ATRN: variants seen among roughly 807,000 people sequenced by gnomAD.
ATRN encodes the protein attractin-2.
Under a neutral mutation model 178.7 loss-of-function variants are expected in ATRN, and 54 were observed. The ratio of observed to expected loss-of-function variants is 0.30; its 90% confidence interval spans 0.24 to 0.38. ATRN has a LOEUF of 0.38. ATRN is among the 10% of genes least tolerant of loss of function. The pLI, the probability that ATRN is intolerant of heterozygous loss-of-function variation, is 1.00. For synonymous variants in ATRN, 636 were observed against 663.0 expected, an observed-to-expected ratio of 0.96 and a Z score of 0.63; for missense variants, 1,443 against 1,815.1, an observed-to-expected ratio of 0.79 and a Z score of 3.73.
intron 12 of ATRN, among the ~76,000 whole-genome samples, chr20:3,573,940 G>A (rs994683040): frequency 6.6e-6 from 1 of 151,974 alleles, no homozygotes; most frequent in Non-Finnish European, 1.5e-5. Context: ...GTTTTACCAT[G>A]TTGGCCAGGC....
intron 1 of ATRN, among the ~76,000 whole-genome samples, chr20:3,475,289 G>A (rs552270722): frequency 6.6e-6 from 1 of 152,134 alleles, no homozygotes; most frequent in South Asian, 2.1e-4. Flanking sequence ...GTAGGCTAAC[G>A]AGGAGTGGAT....
chr20:3,471,197 C>T lies in ATRN; in HGVS notation c.90C>T (p.His30=). 3 of 1,501,024 alleles carry T rather than the reference C, an allele frequency of 2.0e-6. No individual in the cohort carries two copies. The highest frequency in any genetic ancestry group is 2.7e-5 in the East Asian group (1 of 36,502). 93.0% of individuals were successfully genotyped at this position (1,501,024 alleles called of 1,614,324 possible). ...AALAGRSGGP[H]WDWDVTRAGR... is the part of the protein sequence containing the mutation. Reference sequence around the variant, plus strand: ...TCGCGGGCAGGAGCGGCGGGCCGCACTGGGACTGGGACGTGACCAGGGCTG... The same window carrying T: ...TCGCGGGCAGGAGCGGCGGGCCGCATTGGGACTGGGACGTGACCAGGGCTG... The change falls in exon 1 of 29, where the codon CAC becomes CAT. Residue 30 remains histidine (H), a synonymous_variant. Transcript: ENST00000262919.
intron 23 of ATRN, among the ~76,000 whole-genome samples, chr20:3,601,447 T>C (rs1248604257): frequency 1.3e-5 from 2 of 152,056 alleles, no homozygotes; most frequent in Non-Finnish European, 2.9e-5. Context: ...TTAAATAAAA[T>C]GAGATTTTAG....
intron 14 of ATRN, among the ~76,000 whole-genome samples, chr20:3,577,722 A>G (rs2086231251): frequency 6.6e-6 from 1 of 152,138 alleles, no homozygotes; most frequent in Non-Finnish European, 1.5e-5. Context: ...AGGTACAGGA[A>G]AAGACCTGGG....
chr20:3,484,635 A>G (rs2084665989), intron 1 of ATRN, among the ~76,000 whole-genome samples: 2 of 152,112 alleles, frequency 1.3e-5, no homozygotes, highest in African/African-American at 4.8e-5. Flanking sequence ...CCTAATTTCA[A>G]CAAAAATCCC....
chr20:3,573,055 C>A, intron 12 of ATRN, 104 bp downstream of exon 12: 1 of 1,023,788 alleles, frequency 9.8e-7, no homozygotes, highest in Non-Finnish European at 1.4e-6. Flanking sequence ...TTTACCTTAT[C>A]CAAAATTATT....
intron 1 of ATRN, among the ~76,000 whole-genome samples, chr20:3,515,906 A>T (rs183521258): frequency 6.6e-6 from 1 of 152,320 alleles, no homozygotes; most frequent in East Asian, 1.9e-4. Flanking sequence ...TAACTAGAGG[A>T]GAGGCATAGT....
At chr20:3,575,741 A>T in intron 12 of ATRN, 86 bp from the exon 13 acceptor site, 1 of 1,447,324 alleles carries the variant, frequency 6.9e-7, no homozygotes, top group Non-Finnish European at 9.3e-7. Context: ...CTTCTTAACC[A>T]TTGTTACGAT....
chr20:3,563,465 G>A, intron 10 of ATRN, 102 bp downstream of exon 10: 2 of 1,253,204 alleles, frequency 1.6e-6, no homozygotes, highest in Non-Finnish European at 1.1e-6. Context: ...AAATGATCAG[G>A]CCATTTGAAA....
chr20:3,490,582 T>TC, intron 1 of ATRN: 1 of 1,062,012 alleles, frequency 9.4e-7, no homozygotes, highest in Non-Finnish European at 1.5e-6. Flanking sequence ...GTACTTGAGG[T>TC]AACAGTCACG....
At position 3,530,858 on chromosome 20, in the gene ATRN, A is replaced by T. The variant is rs181720564; in HGVS notation, c.411-4395A>T. ...GGTAAAGTAGAAAGAAATAACTATG[A>T]GACGAGTCCTTTGAAACCTGCCTCC... On this transcript the variant is annotated intron_variant, in intron 1 of 28. Transcript: ENST00000262919. 9.8e-5 allele frequency among the ~76,000 whole-genome samples: 15 copies of T among 152,300 alleles called. No homozygotes were observed. The East Asian group carries it at 2.9e-3, about 29-fold the overall frequency.
At chr20:3,561,007 G>C (rs1403824352) in intron 8 of ATRN, 102 bp downstream of exon 8, 1 of 1,405,166 alleles carries the variant, frequency 7.1e-7, no homozygotes, top group African/African-American at 1.4e-5. Context: ...ATCTTGATTC[G>C]GTACTTTATC....
rs1026841239 is a variant in ATRN at position 3,578,836 on chromosome 20, C to T, written c.2544+64C>T. On this transcript the variant is annotated intron_variant, in intron 15 of 28. Transcript: ENST00000262919. ...CACCTTTCTACCAAGGGCATGACTGCAGCTTGCATGTGGAAGGCTGTGGAT... is the reference window on the plus strand; with the variant it reads ...CACCTTTCTACCAAGGGCATGACTGTAGCTTGCATGTGGAAGGCTGTGGAT... 36 of 1,464,634 alleles carry T rather than the reference C, an allele frequency of 2.5e-5. No individual in the cohort carries two copies. The African/African-American group carries it at 4.6e-4, about 19-fold the overall frequency. 90.7% of individuals were successfully genotyped at this position (1,464,634 alleles called of 1,614,324 possible). A position where few individuals can be genotyped will look rare whatever the true frequency, so the allele number is the denominator to read the frequency against.
chr20:3,504,443 A>C lies in ATRN; in HGVS notation c.411-30810A>C, dbSNP rs1156329690. Among the ~76,000 whole-genome samples, 6 of 149,926 alleles carry C rather than the reference A, an allele frequency of 4.0e-5. No individual in the cohort carries two copies. In the East Asian group the frequency reaches 1.0e-3, roughly 25 times the overall value. On this transcript the variant is annotated intron_variant, in intron 1 of 28. Transcript: ENST00000262919. ...GTAATCCCAACACTTTAGGAGGCCGAGGTGGGTGGATCACCTGAGGTCAGG... is the reference window on the plus strand; with the variant it reads ...GTAATCCCAACACTTTAGGAGGCCGCGGTGGGTGGATCACCTGAGGTCAGG...
chr20:3,516,190 A>T (rs989111096), intron 1 of ATRN, among the ~76,000 whole-genome samples: 2 of 152,238 alleles, frequency 1.3e-5, no homozygotes, highest in African/African-American at 4.8e-5. Context: ...GTAAAAAGTG[A>T]ATTGACCAGG....
Position 3,544,117 on chromosome 20 carries a change from T to C in ATRN, c.609-1645T>C, listed in dbSNP as rs186522416. Among the ~76,000 whole-genome samples the C allele has an allele frequency of 1.6e-4, 25 of 152,340 alleles. No individual in the cohort carries two copies. The East Asian group carries it at 4.8e-3, about 29-fold the overall frequency. On this transcript the variant is annotated intron_variant, in intron 3 of 28. Coordinates refer to ENST00000262919, the MANE Select transcript of ATRN (RefSeq NM_139321.3). ...CCTCCTCATTTTCATTCCTTGCTTATGGATTCTTCCAGCCATTTTTGTATG... is the reference window on the plus strand; with the variant it reads ...CCTCCTCATTTTCATTCCTTGCTTACGGATTCTTCCAGCCATTTTTGTATG...
intron 14 of ATRN, 129 bp from the exon 15 acceptor site, chr20:3,578,453 A>C (rs2086240508): frequency 1.3e-6 from 1 of 778,796 alleles, no homozygotes; most frequent in Non-Finnish European, 2.0e-6. Flanking sequence ...AGAGGCTCCC[A>C]CATCCTAATG....
intron 11 of ATRN, among the ~76,000 whole-genome samples, chr20:3,569,951 G>A (rs2146237753): frequency 6.6e-6 from 1 of 151,936 alleles, no homozygotes; most frequent in Admixed American, 6.6e-5. Context: ...CGTGCCTGTT[G>A]TCCCAACTAC....
rs746844397 is a variant in ATRN, at chr20:3,559,375, G to C, written c.1113-18G>C. ...TGTCTTATTAGTTGGGTGAAAATAT[G>C]ATCTGTTTGTTTTGTAGGTATGACC... is the stretch of plus-strand genomic sequence containing the variant. On this transcript the variant is annotated intron_variant, in intron 6 of 28. Coordinates refer to ENST00000262919, the MANE Select transcript of ATRN (RefSeq NM_139321.3). The C allele has an allele frequency of 6.4e-7, 1 of 1,564,036 alleles. No individual in the cohort carries two copies. Among genetic ancestry groups the C allele is most frequent in the South Asian group, 1.1e-5 (1 of 89,952 alleles).
Sources: gnomAD v4.1 joint callset for allele counts (sites outside exome capture counted in the v4.1 genomes callset) on GRCh38, gnomAD v4.1.1 for gene constraint, MANE v1.5 for transcripts, NCBI Gene and HGNC (gene_info 2026-07-23, HGNC 2026-07-21) for gene names.